The following NBEA variants were observed in gnomAD, a reference collection of about 807,000 sequenced individuals.
NBEA encodes neurobeachin.
NBEA carries 44 observed loss-of-function variants against 343.4 expected under a neutral mutation model. The ratio of observed to expected loss-of-function variants is 0.13; its 90% CI spans 0.10 to 0.16. The LOEUF (loss-of-function observed/expected upper bound fraction) is 0.16, where lower values mean the gene tolerates loss of function less well. NBEA is among the 10% of genes least tolerant of loss of function. The pLI is 1.00. For synonymous variants in NBEA, 1,175 were observed against 1,238.7 expected (o/e 0.95, Z 1.08); for missense variants, 2,555 against 3,631.3 (o/e 0.70, Z 7.62).
intron 3 of NBEA, 51 bp from the exon 4 acceptor site, chr13:35,045,255 A>G: frequency 2.0e-6 from 3 of 1,464,676 alleles, no homozygotes; most frequent in Non-Finnish European, 2.8e-6. Context: ...TATATTAAGT[A>G]TGATTGCTAA....
intron 34 of NBEA, among the ~76,000 whole-genome samples, chr13:35,284,793 A>G (rs950458692): frequency 3.9e-5 from 6 of 152,312 alleles, no homozygotes; most frequent in South Asian, 2.1e-4. Context: ...AGAGAGAAGC[A>G]TATCACAGTG....
chr13:35,256,520 G>A (rs1165331773), intron 34 of NBEA, among the ~76,000 whole-genome samples: 2 of 152,192 alleles, frequency 1.3e-5, no homozygotes, highest in Admixed American at 6.5e-5. Flanking sequence ...GCTTCACCAG[G>A]GTCCCACCCC....
chr13:35,642,831 G>A (rs1218114314), intron 49 of NBEA, among the ~76,000 whole-genome samples: 1 of 151,950 alleles, frequency 6.6e-6, no homozygotes, highest in African/African-American at 2.4e-5. Flanking sequence ...GGATGCCAGT[G>A]TGTGACTTTG....
intron 38 of NBEA, among the ~76,000 whole-genome samples, chr13:35,429,834 T>TGTGTGTAC (rs1555262949): frequency 0.061 from 9,042 of 147,970 alleles, 445 homozygotes; most frequent in East Asian, 0.12. Context: ...TGTGTGTGTG[T>TGTGTGTAC]ACACACATTT....
At chr13:35,380,617 C>T (rs949622769) in intron 38 of NBEA, among the ~76,000 whole-genome samples, 2 of 152,120 alleles carry the variant, frequency 1.3e-5, no homozygotes, top group Non-Finnish European at 2.9e-5. Flanking sequence ...TGTTTTCCTG[C>T]ATATACTTTT....
intron 38 of NBEA, among the ~76,000 whole-genome samples, chr13:35,399,555 C>G (rs1313819512): frequency 6.6e-6 from 1 of 152,094 alleles, no homozygotes; most frequent in Non-Finnish European, 1.5e-5. Flanking sequence ...CAGGTCCCTC[C>G]CTCGGCACAT....
intron 1 of NBEA, among the ~76,000 whole-genome samples, chr13:34,956,894 G>A (rs551517780): frequency 9.2e-5 from 14 of 151,966 alleles, no homozygotes; most frequent in East Asian, 5.8e-4. Flanking sequence ...CGGGTGATCC[G>A]CCCACCTCGG....
chr13:35,428,362 C>G (rs1444220767), intron 38 of NBEA, among the ~76,000 whole-genome samples: 3 of 152,194 alleles, frequency 2.0e-5, no homozygotes, highest in African/African-American at 7.2e-5. Flanking sequence ...GACACAAATG[C>G]TAAATGTTGT....
chr13:35,029,296 A>G (rs1039976750), intron 1 of NBEA, among the ~76,000 whole-genome samples: 1 of 151,230 alleles, frequency 6.6e-6, no homozygotes, highest in African/African-American at 2.4e-5. Flanking sequence ...ATGGGAGTCC[A>G]AGAAAAACCA....
intron 38 of NBEA, among the ~76,000 whole-genome samples, chr13:35,417,836 GT>G (rs2044022468): frequency 6.6e-6 from 1 of 152,130 alleles, no homozygotes; most frequent in South Asian, 2.1e-4. Context: ...ACAGTGGGGT[GT>G]TAAAATCTCC....
At chr13:35,459,758 C>T (rs73497916) in intron 40 of NBEA, among the ~76,000 whole-genome samples, 6,367 of 152,010 alleles carry the variant, frequency 0.042, 470 homozygotes, top group African/African-American at 0.15. Context: ...TGTGGGAAGA[C>T]GAAAGAATTC....
At chr13:35,410,420 C>T (rs537802919) in intron 38 of NBEA, among the ~76,000 whole-genome samples, 3 of 152,036 alleles carry the variant, frequency 2.0e-5, no homozygotes, top group Admixed American at 6.6e-5. Flanking sequence ...ATACACAACC[C>T]TAGGTAAGGG....
chr13:35,498,502 T>C (rs2076768976), intron 41 of NBEA, among the ~76,000 whole-genome samples: 1 of 152,040 alleles, frequency 6.6e-6, no homozygotes, highest in Non-Finnish European at 1.5e-5. Flanking sequence ...GTAGCAATAT[T>C]AGAGGATGAA....
intron 1 of NBEA, among the ~76,000 whole-genome samples, chr13:34,973,986 T>TGAAG (rs2060084209): frequency 6.6e-6 from 1 of 152,174 alleles, no homozygotes; most frequent in Non-Finnish European, 1.5e-5. Context: ...TGTGTCAGAC[T>TGAAG]GAAGGCCCTG....
chr13:35,487,728 C>T (rs2076352482), intron 41 of NBEA, among the ~76,000 whole-genome samples: 1 of 151,920 alleles, frequency 6.6e-6, no homozygotes, highest in Non-Finnish European at 1.5e-5. Context: ...CCCTACTTTC[C>T]CTTCTGAATA....
At chr13:35,009,675 C>T (rs1174362630) in intron 1 of NBEA, among the ~76,000 whole-genome samples, 1 of 152,108 alleles carries the variant, frequency 6.6e-6, no homozygotes, top group Non-Finnish European at 1.5e-5. Context: ...GAGACATGAT[C>T]TGCTTAGCAC....
chr13:35,650,329 C>T (rs924343829), intron 52 of NBEA, among the ~76,000 whole-genome samples: 26 of 152,130 alleles, frequency 1.7e-4, no homozygotes, highest in African/African-American at 6.0e-4. Context: ...AAAACAAGCA[C>T]CAACTCTATT....
intron 38 of NBEA, among the ~76,000 whole-genome samples, chr13:35,422,390 C>T (rs1287738532): frequency 6.7e-6 from 1 of 148,432 alleles, no homozygotes; most frequent in Non-Finnish European, 1.5e-5. Context: ...TGAGTGAGAA[C>T]ATGCGGTGTT....
chr13:34,943,061 A>T lies in NBEA; in HGVS notation c.241A>T (p.Ile81Leu), dbSNP rs747690041. 39 of 1,613,616 alleles carry T rather than the reference A, an allele frequency of 2.4e-5. No homozygotes were observed. Among genetic ancestry groups the T allele is most frequent in the Non-Finnish European group, 3.2e-5 (38 of 1,179,794 alleles). ...GAAATTCGCAGTGTTGATTGGACTC[A>T]TACAGGTCGGAGAGGTCAGCAACAG... Reference protein sequence around the residue: ...RMKFAVLIGLIQVGEVSNRDI... With the variant: ...RMKFAVLIGLLQVGEVSNRDI... The change falls in exon 1 of 59, where the codon ATA becomes TTA. Residue 81 changes from isoleucine to leucine, a missense_variant. This residue lies in a region of NBEA where 185 missense variants were observed against 290.6 expected (regional missense o/e 0.64). Transcript: ENST00000379939.
Sources: gnomAD v4.1 joint callset for allele counts (sites outside exome capture counted in the v4.1 genomes callset) on GRCh38, gnomAD v4.1.1 for gene constraint, gnomAD v4.1.1 regional missense constraint, MANE v1.5 for transcripts, NCBI Gene and HGNC (gene_info 2026-07-23, HGNC 2026-07-21) for gene names.